HDAC7: variants seen among roughly 807,000 people sequenced by gnomAD.
HDAC7 encodes the protein histone deacetylase 7.
A neutral mutation model predicts 115.5 loss-of-function variants in HDAC7; 26 were observed. The observed-to-expected ratio is 0.23, with a 90% CI of 0.16 to 0.31. The LOEUF is 0.31. Among genes scored for constraint, HDAC7 ranks in the 10% least tolerant of loss-of-function variants. The probability of loss-of-function intolerance (pLI) is 1.00; values close to 1 mark genes in which losing one functional copy is unlikely to be tolerated. For synonymous variants in HDAC7, 564 were observed against 550.9 expected, an observed-to-expected ratio of 1.02 and a Z score of -0.33; for missense variants, 1,068 against 1,329.0, an observed-to-expected ratio of 0.80 and a Z score of 3.05.
chr12:47,818,669 G>A (rs1002011182), intron 1 of HDAC7, among the ~76,000 whole-genome samples: 4 of 152,230 alleles, frequency 2.6e-5, no homozygotes, highest in Non-Finnish European at 5.9e-5. Context: ...GCTGAGGGCC[G>A]ATGCCCCATT....
intron 2 of HDAC7, 89 bp from the exon 3 acceptor site, chr12:47,799,061 C>G (rs1944034725): frequency 1.1e-6 from 1 of 921,488 alleles, no homozygotes; most frequent in East Asian, 2.9e-5. Flanking sequence ...CTCCCTCAGG[C>G]TCACTTGACA....
chr12:47,792,810 A>G, intron 13 of HDAC7: 1 of 397,372 alleles, frequency 2.5e-6, no homozygotes, highest in Admixed American at 2.9e-5. Context: ...TCTCAGTTTT[A>G]AAGACTAATT....
At chr12:47,788,704 A>G (rs1021063159) in intron 19 of HDAC7, 2 of 153,982 alleles carry the variant, frequency 1.3e-5, no homozygotes, top group African/African-American at 4.8e-5. Context: ...TCTCTTACAC[A>G]GCTGTCAGTG....
At chr12:47,815,985 G>A (rs1273714569) in intron 1 of HDAC7, among the ~76,000 whole-genome samples, 1 of 149,742 alleles carries the variant, frequency 6.7e-6, no homozygotes, top group Non-Finnish European at 1.5e-5. Context: ...TCTGCCTCCC[G>A]GGTTTAAGCA....
chr12:47,797,043 C>G lies in HDAC7; in HGVS notation c.677G>C (p.Arg226Pro), dbSNP rs758281585. 10 of 1,587,942 alleles carry G rather than the reference C, an allele frequency of 6.3e-6. No individual in the cohort carries two copies. The Admixed American group carries it at 1.1e-4, about 17-fold the overall frequency. ...TCCGAGGGTCTCTGCGGGCCGCCGC[C>G]GGAGGCTGGGGGGCGCACTCTCCTT... is the stretch of plus-strand genomic sequence containing the variant. ...LRKESAPPSL[R>P]RRPAETLGDS... Residue 226 changes from arginine (R) to proline (P), a missense_variant, in exon 7 of 26, where the codon CGG (arginine) becomes CCG (proline). Physicochemically the swap from Arg to Pro is moderately radical, Grantham distance 103. This residue lies in a region of HDAC7 where 618 missense variants were observed against 701.5 expected (regional missense o/e 0.88). Coordinates refer to ENST00000080059, the MANE Select transcript of HDAC7 (RefSeq NM_015401.5). This position sits in a 1 kb window ranked among gnomAD's most constrained non-coding sequence, Gnocchi z 5.5.
intron 13 of HDAC7, chr12:47,792,390 G>A: frequency 2.8e-6 from 1 of 356,466 alleles, no homozygotes; most frequent in Non-Finnish European, 5.4e-6. Context: ...TCACACACGT[G>A]TCATGAACCC....
intron 1 of HDAC7, among the ~76,000 whole-genome samples, chr12:47,819,544 C>G (rs1944956923): frequency 6.6e-6 from 1 of 151,822 alleles, no homozygotes; most frequent in African/African-American, 2.4e-5. Context: ...CCGAGCCCTC[C>G]GGCCCCCGGA....
At chr12:47,791,801 G>GCCCCCCCCCCCCC in intron 14 of HDAC7, 70 bp downstream of exon 14, 1 of 1,511,066 alleles carries the variant, frequency 6.6e-7, no homozygotes, top group Non-Finnish European at 9.0e-7. Context: ...GGGCCCCAGG[G>GCCCCCCCCCCCCC]CCCCCCACCC....
At chr12:47,819,043 T>G (rs988176847) in intron 1 of HDAC7, 1 of 152,346 alleles carries the variant, frequency 6.6e-6, no homozygotes, top group Non-Finnish European at 1.5e-5. Context: ...GGGGTGCACA[T>G]CCTGTCCCCC....
At position 47,798,271 on chromosome 12, in the gene HDAC7, G is replaced by A. The variant is rs543523133; in HGVS notation, c.350-52C>T. 6 of 1,394,520 alleles carry A rather than the reference G, an allele frequency of 4.3e-6. No homozygotes were observed. The highest frequency in any genetic ancestry group is 4.2e-5 in the African/African-American group (3 of 70,638). The allele number at this position is 1,394,520 out of a possible 1,614,324, so 86.4% of individuals were successfully genotyped here. On this transcript the variant is annotated intron_variant, in intron 4 of 25. Coordinates refer to ENST00000080059, the MANE Select transcript of HDAC7 (RefSeq NM_015401.5). This position sits in a 1 kb window ranked among gnomAD's most constrained non-coding sequence, Gnocchi z 4.3. Reference sequence around the variant, plus strand: ...TGGAGGTGGGTGGACAGGCGGCCTCGTGGCACTACCTGGCCACTGCCCTGT... The same window carrying A: ...TGGAGGTGGGTGGACAGGCGGCCTCATGGCACTACCTGGCCACTGCCCTGT...
Position 47,793,719 on chromosome 12 carries a change from TC to T in HDAC7, c.1459-132del. The T allele has an allele frequency of 1.4e-6, 1 of 692,936 alleles. No homozygotes were observed. The highest frequency in any genetic ancestry group is 2.3e-6 in the Non-Finnish European group (1 of 433,834). The allele number at this position is 692,936 out of a possible 1,614,324, so 42.9% of individuals were successfully genotyped here. On this transcript the variant is annotated intron_variant, in intron 12 of 25. Transcript: ENST00000080059. The surrounding 1 kb of genome is among the most constrained non-coding windows in gnomAD (Gnocchi z 4.5). ...TTCCAGGATAAACCTAGACCTGCTG[TC>T]CAGTGGGGCTCTGGCCTTTGACTCT...
In HDAC7 at chr12:47,798,768, G is replaced by C; in HGVS notation, c.258+17C>G. 1 of 1,554,994 alleles carries C rather than the reference G, an allele frequency of 6.4e-7. No individual in the cohort carries two copies. Among genetic ancestry groups the C allele is most frequent in the African/African-American group, 1.4e-5 (1 of 73,376 alleles). On this transcript the variant is annotated intron_variant, in intron 3 of 25. Coordinates refer to ENST00000080059, the MANE Select transcript of HDAC7 (RefSeq NM_015401.5). The surrounding 1 kb of genome is among the most constrained non-coding windows in gnomAD (Gnocchi z 4.3). ...CAAGCTCAAGGTGGCCCCACATGCA[G>C]GGAGCTCCATCTTTACCCTCATGGG...
chr12:47,786,477 C>G, intron 22 of HDAC7, 108 bp downstream of exon 22: 1 of 765,458 alleles, frequency 1.3e-6, no homozygotes, highest in South Asian at 1.6e-5. Context: ...GCTGAAAGCC[C>G]TGGGCTGGCC....
intron 1 of HDAC7, chr12:47,802,621 C>T (rs1944223211): frequency 5.5e-6 from 4 of 722,452 alleles, no homozygotes; most frequent in Non-Finnish European, 9.1e-6. Flanking sequence ...GCAGCCAAAC[C>T]AGGCTCCCAT....
In HDAC7 at chr12:47,788,184, G is replaced by A; in HGVS notation, c.2236-20C>T. On this transcript the variant is annotated intron_variant, in intron 19 of 25. Transcript: ENST00000080059. ...CACGTCCTGTGTAGGGAGACGGGCA[G>A]CGATTAGGGAAGGCAGAGAGATGGG... is the stretch of plus-strand genomic sequence containing the variant. The A allele has an allele frequency of 6.3e-7, 1 of 1,587,794 alleles. No individual in the cohort carries two copies.
At chr12:47,811,282 G>A (rs7980930) in intron 1 of HDAC7, among the ~76,000 whole-genome samples, 12,457 of 152,184 alleles carry the variant, frequency 0.082, 660 homozygotes, top group African/African-American at 0.16. Context: ...CTGCCCTTGA[G>A]ACTTGGTTGA....
rs577419391 is a variant in HDAC7 at position 47,797,855 on chromosome 12, G to GGGGTGT, written c.461+252_461+253insACACCC. ...TCATGTGCAAGAAAAAAGCCAGTAG[G>GGGGTGT]GTGTGTGTGTGTGTGTGTGTGTGTG... On this transcript the variant is annotated intron_variant, in intron 5 of 25. Transcript: ENST00000080059. This position sits in a 1 kb window ranked among gnomAD's most constrained non-coding sequence, Gnocchi z 5.5. Among the ~76,000 whole-genome samples, 92 of 123,946 alleles carry GGGGTGT rather than the reference G, an allele frequency of 7.4e-4. 1 individual carries two copies. Among genetic ancestry groups the GGGGTGT allele is most frequent in the Middle Eastern group, 4.1e-3 (1 of 242 alleles). The allele number at this position is 123,946 out of a possible 152,430, so 81.3% of individuals were successfully genotyped here. A position where few individuals can be genotyped will look rare whatever the true frequency, so the allele number is the denominator to read the frequency against.
At chr12:47,818,029 C>T (rs927595972) in intron 1 of HDAC7, 15 of 152,266 alleles carry the variant, frequency 9.9e-5, no homozygotes, top group Admixed American at 2.6e-4. Flanking sequence ...CATAGTCAAC[C>T]TCTTCTGCTC....
Position 47,785,369 on chromosome 12 carries a change from T to C in HDAC7, c.2791+18A>G. ...TCCTTCAGTCTGAGCTCAGCGAGTGTCCCATCTCCACACTTACTGTGCACC... is the reference window on the plus strand; with the variant it reads ...TCCTTCAGTCTGAGCTCAGCGAGTGCCCCATCTCCACACTTACTGTGCACC... On this transcript the variant is annotated intron_variant, in intron 24 of 25. Transcript: ENST00000080059. 6.3e-7 allele frequency: 1 copy of C among 1,590,244 alleles called. No individual in the cohort carries two copies. The highest frequency in any genetic ancestry group is 8.6e-7 in the Non-Finnish European group (1 of 1,166,596).
Sources: allele counts gnomAD v4.1 joint callset (sites outside exome capture counted in the v4.1 genomes callset), GRCh38; gene constraint gnomAD v4.1.1; regional missense constraint gnomAD v4.1.1; non-coding constraint Gnocchi (gnomAD v3.1); transcripts MANE v1.5; gene names NCBI Gene and HGNC (gene_info 2026-07-23, HGNC 2026-07-21).